ARAP1: variants seen among roughly 807,000 people sequenced by gnomAD.
ARAP1 encodes ArfGAP with RhoGAP domain, ankyrin repeat and PH domain 1.
ARAP1 carries 76 observed loss-of-function variants against 172.2 expected under a neutral mutation model. That is an observed-to-expected ratio of 0.44 (90% CI 0.37 to 0.53). ARAP1 has a LOEUF of 0.53. ARAP1 is among the 20% of genes least tolerant of loss of function. The pLI, the probability that ARAP1 is intolerant of heterozygous loss-of-function variation, is 0.00. For synonymous variants in ARAP1, 804 were observed against 803.3 expected (o/e 1.00, Z -0.01); for missense variants, 1,686 against 1,977.5 (o/e 0.85, Z 2.80).
intron 30 of ARAP1, among the ~76,000 whole-genome samples, chr11:72,690,739 G>C (rs1220580735): frequency 6.6e-6 from 1 of 152,162 alleles, no homozygotes; most frequent in Non-Finnish European, 1.5e-5. Context: ...TGGGGCCATG[G>C]GCAGACAATG....
At chr11:72,713,689 T>C (rs1591210676) in intron 4 of ARAP1, among the ~76,000 whole-genome samples, 1 of 151,332 alleles carries the variant, frequency 6.6e-6, no homozygotes, top group African/African-American at 2.4e-5. Context: ...CTACTAAAAA[T>C]ACAAAAAATT....
At chr11:72,745,623 A>G (rs1858342952) in intron 1 of ARAP1, among the ~76,000 whole-genome samples, 1 of 140,038 alleles carries the variant, frequency 7.1e-6, no homozygotes, top group Non-Finnish European at 1.7e-5. Context: ...CGCATGGAGT[A>G]CCCACTGGAG....
At chr11:72,704,957 C>T (rs969934356) in intron 13 of ARAP1, 2 of 152,694 alleles carry the variant, frequency 1.3e-5, no homozygotes, top group Admixed American at 6.5e-5. Context: ...TCTGTGTCTT[C>T]CAGCAAGTTA....
intron 1 of ARAP1, among the ~76,000 whole-genome samples, chr11:72,734,982 C>T (rs1857973905): frequency 1.3e-5 from 2 of 151,844 alleles, no homozygotes; most frequent in Admixed American, 1.3e-4. Context: ...GAGACTGTAG[C>T]TCTCAACTTT....
intron 1 of ARAP1, among the ~76,000 whole-genome samples, chr11:72,744,352 A>C (rs1195353623): frequency 6.6e-6 from 1 of 152,186 alleles, no homozygotes; most frequent in Non-Finnish European, 1.5e-5. Flanking sequence ...GCCACTGCAA[A>C]TCAGTGGCCA....
In ARAP1 at chr11:72,688,477, T is replaced by C; in HGVS notation, c.4048A>G (p.Lys1350Glu). The change falls in exon 31 of 35, where the codon AAG becomes GAG. Residue 1350 changes from lysine (K) to glutamate (E), a missense_variant. This residue lies in a region of ARAP1 where 379 missense variants were observed against 500.1 expected (regional missense o/e 0.76). Coordinates refer to ENST00000393609, the MANE Select transcript of ARAP1 (RefSeq NM_001040118.3). ...TACCAGGTGGGTGGCCTGAGTTTCT[T>C]CTTCACTCCCAGGTAGACTTTGAGA... ...KSLKVYLGVK[K>E]KLRPPTCWGF... 6.2e-7 allele frequency: 1 copy of C among 1,612,574 alleles called. No individual in the cohort carries two copies. Among genetic ancestry groups the C allele is most frequent in the Non-Finnish European group, 8.5e-7 (1 of 1,179,366 alleles).
At chr11:72,703,936 G>A in intron 14 of ARAP1, 1 of 577,760 alleles carries the variant, frequency 1.7e-6, no homozygotes, top group Non-Finnish European at 3.0e-6. Flanking sequence ...CTGGGGATGT[G>A]CCCTTGGCCC....
chr11:72,721,594 C>T (rs981086506), intron 3 of ARAP1, among the ~76,000 whole-genome samples: 4 of 151,088 alleles, frequency 2.6e-5, no homozygotes, highest in African/African-American at 4.9e-5. Flanking sequence ...CCAGGAGAGG[C>T]GTATGGGGAG....
chr11:72,722,027 GT>G, intron 3 of ARAP1: 1 of 985,730 alleles, frequency 1.0e-6, no homozygotes, highest in South Asian at 4.7e-5. Flanking sequence ...TCTCTTGGAG[GT>G]TTTTGAGCCC....
Position 72,695,911 on chromosome 11 carries a change from G to A in ARAP1, c.3273-46C>T. The A allele has an allele frequency of 6.3e-7, 1 of 1,577,232 alleles. No individual in the cohort carries two copies. The highest frequency in any genetic ancestry group is 8.6e-7 in the Non-Finnish European group (1 of 1,162,988). On this transcript the variant is annotated intron_variant, in intron 23 of 34. Coordinates refer to ENST00000393609, the MANE Select transcript of ARAP1 (RefSeq NM_001040118.3). The surrounding 1 kb of genome is among the most constrained non-coding windows in gnomAD (Gnocchi z 4.4). ...GCTTTGAGTGAGGAGTCAGGCCAGA[G>A]CTTCCCATCTCACCCTATTAATTTC...
rs765551581 is a variant in ARAP1, at chr11:72,703,056, G to T, written c.2016C>A (p.Thr672=). The change falls in exon 15 of 35, where the codon ACC becomes ACA. Residue 672 remains threonine (T), a synonymous_variant. Transcript: ENST00000393609. Reference sequence around the variant, plus strand: ...GCGCCTGGGTCTCAGCCAGGTCTGTGGTGGTGACTGCAGCACACAGGGCCT... The same window carrying T: ...GCGCCTGGGTCTCAGCCAGGTCTGTTGTGGTGACTGCAGCACACAGGGCCT... The part of the protein sequence containing the change: ...LDKALCAAVT[T]TDLAETQALL... 1 of 1,593,548 alleles carries T rather than the reference G, an allele frequency of 6.3e-7. No homozygotes were observed. The highest frequency in any genetic ancestry group is 8.5e-7 in the Non-Finnish European group (1 of 1,171,630).
At chr11:72,724,016 C>A (rs1857612342) in intron 3 of ARAP1, among the ~76,000 whole-genome samples, 1 of 152,160 alleles carries the variant, frequency 6.6e-6, no homozygotes, top group African/African-American at 2.4e-5. Context: ...TCCACCACAG[C>A]AGTAATTGAG....
At chr11:72,738,559 C>G (rs959387568) in intron 1 of ARAP1, among the ~76,000 whole-genome samples, 1 of 152,088 alleles carries the variant, frequency 6.6e-6, no homozygotes, top group African/African-American at 2.4e-5. Flanking sequence ...GAGGCCTCAG[C>G]TTGTCCACCA....
chr11:72,715,461 C>G (rs1427284402), intron 3 of ARAP1, among the ~76,000 whole-genome samples: 1 of 152,170 alleles, frequency 6.6e-6, no homozygotes, highest in Non-Finnish European at 1.5e-5. Flanking sequence ...GTGACAGGGT[C>G]TGCCTGGGGT....
rs369488062 is a variant in ARAP1, at chr11:72,701,721, C to T, written c.2230G>A (p.Val744Met). The change falls in exon 16 of 35, where the codon GTG becomes ATG. Residue 744 changes from valine to methionine, a missense_variant. Coordinates refer to ENST00000393609, the MANE Select transcript of ARAP1 (RefSeq NM_001040118.3). ...EKHYSVVLPT[V>M]SHSGFLYKTA... ...TTGTAGAGGAAGCCACTGTGGCTCA[C>T]GGTCGGCAGGACAACTGAGTAGTGC... is the stretch of plus-strand genomic sequence containing the variant. 24 of 1,613,856 alleles carry T rather than the reference C, an allele frequency of 1.5e-5. No homozygotes were observed. Among genetic ancestry groups the T allele is most frequent in the Admixed American group, 1.2e-4 (7 of 59,992 alleles).
rs1213041677 is a variant in ARAP1, at chr11:72,693,793, T to G, written c.3707A>C (p.His1236Pro). Residue 1236 changes from histidine to proline, a missense_variant, in exon 28 of 35, where the codon CAC (histidine) becomes CCC (proline). His to Pro is a moderately conservative substitution (Grantham distance 77). Coordinates refer to ENST00000393609, the MANE Select transcript of ARAP1 (RefSeq NM_001040118.3). The surrounding 1 kb of genome is among the most constrained non-coding windows in gnomAD (Gnocchi z 4.6). The stretch of plus-strand genomic sequence containing the variant: ...GATGGGCAGCACCTTCTCCGCAAAG[T>G]GCAGGGGGCGCTCTGGGGAGAGGTC... ...NEREEAERPL[H>P]FAEKVLPILH... is the part of the protein sequence containing the mutation. 1 of 1,604,068 alleles carries G rather than the reference T, an allele frequency of 6.2e-7. No homozygotes were observed.
rs557258487 is a variant in ARAP1 at position 72,730,708 on chromosome 11, A to G, written c.-45+1807T>C. Among the ~76,000 whole-genome samples, 4 of 152,154 alleles carry G rather than the reference A, an allele frequency of 2.6e-5. No homozygotes were observed. In the East Asian group the frequency reaches 7.7e-4, roughly 29 times the overall value. On this transcript the variant is annotated intron_variant, in intron 2 of 34. Transcript: ENST00000393609. ...CTTTGTCCTCCCGCCTCCCCCAAAA[A>G]CAGAGATGCAGATGGCTGACCCAGC... is the stretch of plus-strand genomic sequence containing the variant.
intron 11 of ARAP1, among the ~76,000 whole-genome samples, chr11:72,707,806 C>A (rs563145896): frequency 2.1e-4 from 32 of 152,092 alleles, no homozygotes; most frequent in African/African-American, 4.8e-4. Context: ...GACAGGCCTG[C>A]ATCAGGAAGA....
chr11:72,729,550 A>C (rs1287673617), intron 2 of ARAP1, among the ~76,000 whole-genome samples: 1 of 152,088 alleles, frequency 6.6e-6, no homozygotes, highest in Non-Finnish European at 1.5e-5. Context: ...AGATCACTGC[A>C]CTCCAGCCTG....
Sources: allele counts gnomAD v4.1 joint callset (sites outside exome capture counted in the v4.1 genomes callset), GRCh38; gene constraint gnomAD v4.1.1; regional missense constraint gnomAD v4.1.1; non-coding constraint Gnocchi (gnomAD v3.1); transcripts MANE v1.5; gene names NCBI Gene and HGNC (gene_info 2026-07-23, HGNC 2026-07-21).